Variants in KCNH8 observed in about 807,000 individuals in gnomAD.
KCNH8 encodes voltage-gated delayed rectifier potassium channel KCNH8.
A neutral mutation model predicts 103.6 loss-of-function variants in KCNH8; 70 were observed. That is an observed-to-expected ratio of 0.68 (90% CI 0.56 to 0.82). KCNH8 has a LOEUF of 0.82. KCNH8 is among the 40% of genes least tolerant of loss of function. The pLI is 0.00. For missense variants in KCNH8, 1,217 were observed against 1,329.9 expected (o/e 0.92, Z 1.32); for synonymous variants, 498 against 489.4 (o/e 1.02, Z -0.23).
At chr3:19,499,354 G>A (rs1305471175) in intron 11 of KCNH8, among the ~76,000 whole-genome samples, 2 of 152,108 alleles carry the variant, frequency 1.3e-5, no homozygotes, top group African/African-American at 2.4e-5. Flanking sequence ...GAACCAAGTT[G>A]GAAAACACTC....
chr3:19,398,917 C>T (rs771538847), intron 7 of KCNH8, among the ~76,000 whole-genome samples: 9 of 151,868 alleles, frequency 5.9e-5, no homozygotes, highest in African/African-American at 1.7e-4. Flanking sequence ...ATTGCCTTTG[C>T]GGTTTAGTTT....
At chr3:19,362,323 GAC>G (rs1032228476) in intron 5 of KCNH8, among the ~76,000 whole-genome samples, 2 of 151,812 alleles carry the variant, frequency 1.3e-5, no homozygotes, top group Non-Finnish European at 2.9e-5. Flanking sequence ...GATGTGACAA[GAC>G]AGGGGAAGTA....
At chr3:19,242,996 G>A (rs553646374) in intron 1 of KCNH8, among the ~76,000 whole-genome samples, 1 of 152,262 alleles carries the variant, frequency 6.6e-6, no homozygotes, top group Admixed American at 6.5e-5. Flanking sequence ...TTAACTTGCT[G>A]TTTAGCATTG....
intron 3 of KCNH8, among the ~76,000 whole-genome samples, chr3:19,324,005 C>T (rs2065386562): frequency 2.0e-5 from 3 of 152,124 alleles, no homozygotes; most frequent in East Asian, 1.9e-4. Context: ...GTGGCATTTT[C>T]GAGAGCACAT....
intron 7 of KCNH8, among the ~76,000 whole-genome samples, chr3:19,416,041 G>A (rs62276961): frequency 0.019 from 2,902 of 151,866 alleles, 44 homozygotes; most frequent in South Asian, 0.056. Flanking sequence ...TCTTTCCTAC[G>A]TAATCTATTT....
At chr3:19,403,611 G>A (rs2066649115) in intron 7 of KCNH8, among the ~76,000 whole-genome samples, 1 of 151,382 alleles carries the variant, frequency 6.6e-6, no homozygotes, top group Admixed American at 6.6e-5. Context: ...CTAAGTCTGA[G>A]TCACTGATTT....
chr3:19,505,816 G>A (rs1341369956), intron 11 of KCNH8, among the ~76,000 whole-genome samples: 2 of 152,020 alleles, frequency 1.3e-5, no homozygotes, highest in Non-Finnish European at 2.9e-5. Flanking sequence ...ATAGATTTTG[G>A]TCTGTTTACA....
At chr3:19,472,300 T>C (rs1003811487) in intron 11 of KCNH8, among the ~76,000 whole-genome samples, 1 of 150,892 alleles carries the variant, frequency 6.6e-6, no homozygotes, top group Admixed American at 6.6e-5. Flanking sequence ...TTATATACCA[T>C]CCAGTAAAGC....
intron 1 of KCNH8, among the ~76,000 whole-genome samples, chr3:19,166,638 C>A (rs929892089): frequency 6.6e-6 from 1 of 152,116 alleles, no homozygotes; most frequent in East Asian, 1.9e-4. Flanking sequence ...TTAAAGGAGG[C>A]AAATTTGATT....
chr3:19,260,595 T>C (rs150023729), intron 2 of KCNH8, among the ~76,000 whole-genome samples: 1 of 140,672 alleles, frequency 7.1e-6, no homozygotes, highest in East Asian at 2.2e-4. Flanking sequence ...GTTACCCACT[T>C]CCACCCCTGT....
chr3:19,390,544 G>T lies in KCNH8; in HGVS notation c.875G>T (p.Arg292Ile). 6.2e-7 allele frequency: 1 copy of T among 1,613,114 alleles called. No homozygotes were observed. The highest frequency in any genetic ancestry group is 8.5e-7 in the Non-Finnish European group (1 of 1,179,410). ...SKSGQVIFEA[R>I]SICIHYVTTW... The stretch of plus-strand genomic sequence containing the variant: ...TCTGGCCAAGTTATCTTTGAAGCAA[G>T]ATCAATTTGCATCCACTATGTCACA... The change falls in exon 6 of 16, where the codon AGA becomes ATA. Residue 292 changes from arginine (R) to isoleucine (I), a missense_variant. Arg to Ile is a moderately conservative substitution (Grantham distance 97, BLOSUM62 -3). Transcript: ENST00000328405.
Position 19,262,862 on chromosome 3 carries a change from G to T in KCNH8, c.310+8975G>T, listed in dbSNP as rs545082803. On this transcript the variant is annotated intron_variant, in intron 2 of 15. Coordinates refer to ENST00000328405, the MANE Select transcript of KCNH8 (RefSeq NM_144633.3). ...TTTATTCTAAGATTGAGTGAGACCT[G>T]GGGAGAAAGGAAAGATCATTCTGAG... Among the ~76,000 whole-genome samples the T allele has an allele frequency of 5.3e-5, 8 of 152,146 alleles. No individual in the cohort carries two copies. The South Asian group carries it at 1.7e-3, about 32-fold the overall frequency.
At chr3:19,152,478 C>A (rs917376087) in intron 1 of KCNH8, among the ~76,000 whole-genome samples, 3 of 152,072 alleles carry the variant, frequency 2.0e-5, no homozygotes, top group Admixed American at 6.6e-5. Context: ...TTTTGGTTTA[C>A]TAAGACAAAA....
chr3:19,247,346 A>G (rs1559441318), intron 1 of KCNH8, among the ~76,000 whole-genome samples: 2 of 152,200 alleles, frequency 1.3e-5, no homozygotes, highest in East Asian at 1.9e-4. Flanking sequence ...CCTGAAATCA[A>G]TATAAAGTGC....
chr3:19,327,218 A>T (rs1221808150), intron 3 of KCNH8, among the ~76,000 whole-genome samples: 1 of 152,138 alleles, frequency 6.6e-6, no homozygotes, highest in Non-Finnish European at 1.5e-5. Context: ...AGAGAAAACA[A>T]CCTCTATCTA....
At chr3:19,370,973 T>A (rs1574978011) in intron 5 of KCNH8, among the ~76,000 whole-genome samples, 2 of 152,228 alleles carry the variant, frequency 1.3e-5, no homozygotes, top group South Asian at 4.2e-4. Flanking sequence ...TATTCCATGG[T>A]GTATATGTGC....
chr3:19,519,455 G>A (rs574348409), intron 15 of KCNH8, among the ~76,000 whole-genome samples: 1 of 151,210 alleles, frequency 6.6e-6, no homozygotes, highest in Non-Finnish European at 1.5e-5. Context: ...GCTTCGTGGA[G>A]ATTTATGTTT....
At chr3:19,244,432 T>G (rs531192891) in intron 1 of KCNH8, among the ~76,000 whole-genome samples, 15 of 152,200 alleles carry the variant, frequency 9.9e-5, no homozygotes, top group African/African-American at 3.4e-4. Context: ...GTTTTTGTTT[T>G]TTGTTGTTGT....
At chr3:19,334,215 G>A (rs1391029255) in intron 3 of KCNH8, among the ~76,000 whole-genome samples, 1 of 152,144 alleles carries the variant, frequency 6.6e-6, no homozygotes, top group African/African-American at 2.4e-5. Flanking sequence ...AGAGGTGATG[G>A]TTCTGGACAG....
Sources: gnomAD v4.1 joint callset for allele counts (sites outside exome capture counted in the v4.1 genomes callset) on GRCh38, gnomAD v4.1.1 for gene constraint, MANE v1.5 for transcripts, NCBI Gene and HGNC (gene_info 2026-07-23, HGNC 2026-07-21) for gene names.